Variants in PAWR observed in about 807,000 individuals in gnomAD.
PAWR encodes pro-apoptotic WT1 regulator.
PAWR carries 23 observed loss-of-function variants against 32.0 expected under a neutral mutation model. The observed-to-expected ratio is 0.72, with a 90% CI of 0.52 to 1.02. The LOEUF (loss-of-function observed/expected upper bound fraction) is 1.02. Ranked by LOEUF, PAWR falls within the 50% of genes least tolerant of loss-of-function variation. PAWR has a pLI of 0.00. For missense variants in PAWR, 457 were observed against 437.7 expected (o/e 1.04, Z -0.39); for synonymous variants, 226 against 187.1 (o/e 1.21, Z -1.70).
At position 79,678,072 on chromosome 12, in the gene PAWR, T is replaced by C. The variant is rs190101108; in HGVS notation, c.516+11657A>G. Among the ~76,000 whole-genome samples the C allele has an allele frequency of 7.7e-4, 118 of 152,306 alleles. 1 individual carries two copies. In the East Asian group the frequency reaches 0.021, roughly 27 times the overall value. Reference sequence around the variant, plus strand: ...TTGGTACAACTTTGTTTAGATCCTATCCTCTAGTTTCTTTTTAATGCATAT... The same window carrying C: ...TTGGTACAACTTTGTTTAGATCCTACCCTCTAGTTTCTTTTTAATGCATAT... On this transcript the variant is annotated intron_variant, in intron 2 of 6. Transcript: ENST00000328827.
chr12:79,689,954 C>T lies in PAWR; in HGVS notation c.291G>A (p.Met97Ile). Residue 97 changes from methionine to isoleucine, a missense_variant, in exon 2 of 7, where the codon ATG (methionine) becomes ATA (isoleucine). Met to Ile is a conservative substitution (Grantham distance 10). Transcript: ENST00000328827. The stretch of plus-strand genomic sequence containing the variant: ...GCGGGCCGGGGGCCGCCCGCGTCAG[C>T]ATGGCGGAGCCGACCGCGCAGTTCA... Reference protein sequence around the residue: ...GGVNCAVGSAMLTRAAPGPRR... With the variant: ...GGVNCAVGSAILTRAAPGPRR... 1 of 1,383,608 alleles carries T rather than the reference C, an allele frequency of 7.2e-7. No individual in the cohort carries two copies. The allele number at this position is 1,383,608 out of a possible 1,614,324, so 85.7% of individuals were successfully genotyped here.
intron 4 of PAWR, among the ~76,000 whole-genome samples, chr12:79,612,814 C>T (rs1874501537): frequency 6.6e-6 from 1 of 152,150 alleles, no homozygotes; most frequent in South Asian, 2.1e-4. Flanking sequence ...TAGACACCTC[C>T]ACTGAAAAAC....
chr12:79,638,896 A>AT lies in PAWR; in HGVS notation c.517-17690dup, dbSNP rs60375837. On this transcript the variant is annotated intron_variant, in intron 2 of 6. Transcript: ENST00000328827. Reference sequence around the variant, plus strand: ...TATATATATATATATATATATATATATTTTTTTTTTTTTTTTTTTTTTTTT... The same window carrying AT: ...TATATATATATATATATATATATATATTTTTTTTTTTTTTTTTTTTTTTTTT... 1.7e-3 allele frequency among the ~76,000 whole-genome samples: 17 copies of AT among 10,010 alleles called. 3 individuals carry two copies. Among genetic ancestry groups the AT allele is most frequent in the East Asian group, 0.01 (3 of 288 alleles). 6.6% of individuals were successfully genotyped at this position (10,010 alleles called of 152,430 possible).
intron 2 of PAWR, among the ~76,000 whole-genome samples, chr12:79,657,573 C>T (rs887050955): frequency 1.8e-4 from 28 of 152,268 alleles, no homozygotes; most frequent in African/African-American, 5.8e-4. Flanking sequence ...GGGCGGATCA[C>T]AAGGTCAGAA....
intron 2 of PAWR, among the ~76,000 whole-genome samples, chr12:79,654,796 G>T (rs897534161): frequency 6.6e-6 from 1 of 152,066 alleles, no homozygotes; most frequent in Non-Finnish European, 1.5e-5. Context: ...TCACTATCAC[G>T]AGAACAACAC....
chr12:79,627,258 CCTGA>C (rs2136732977), intron 2 of PAWR, among the ~76,000 whole-genome samples: 3 of 152,264 alleles, frequency 2.0e-5, no homozygotes, highest in African/African-American at 7.2e-5. Flanking sequence ...CCTGTTGTTT[CCTGA>C]CTTTTTAATG....
chr12:79,595,633 G>A lies in PAWR; in HGVS notation c.831+878C>T, dbSNP rs8176905. Reference sequence around the variant, plus strand: ...AAGCCGAGGCGGGTGGATCACCTGAGGTTAGGAATTCAAGACCAGCCTGAC... The same window carrying A: ...AAGCCGAGGCGGGTGGATCACCTGAAGTTAGGAATTCAAGACCAGCCTGAC... On this transcript the variant is annotated intron_variant, in intron 5 of 6. Coordinates refer to ENST00000328827, the MANE Select transcript of PAWR (RefSeq NM_002583.4). Among the ~76,000 whole-genome samples the A allele has an allele frequency of 3.6e-3, 545 of 152,292 alleles. 3 individuals are homozygous for A. Among genetic ancestry groups the A allele is most frequent in the Middle Eastern group, 0.024 (7 of 294 alleles).
At position 79,586,150 on chromosome 12, in the gene PAWR, A is replaced by C. The variant is rs1193116058; in HGVS notation, c.*6457T>G. 6.6e-6 allele frequency: 1 copy of C among 152,238 alleles called. No individual in the cohort carries two copies. The highest frequency in any genetic ancestry group is 1.5e-5 in the Non-Finnish European group (1 of 68,032). 9.4% of individuals were successfully genotyped at this position (152,238 alleles called of 1,614,324 possible). On this transcript the variant is annotated 3_prime_UTR_variant, in exon 7 of 7. Coordinates refer to ENST00000328827, the MANE Select transcript of PAWR (RefSeq NM_002583.4). ...TAAGCCATCCATACACAAAACGTTT[A>C]ATGTGTTATGGAAGGCTAACAGTTT...
At chr12:79,689,215 T>C (rs922924805) in intron 2 of PAWR, among the ~76,000 whole-genome samples, 2 of 152,226 alleles carry the variant, frequency 1.3e-5, no homozygotes, top group African/African-American at 4.8e-5. Context: ...CATTTGGATA[T>C]ACTCATCTTG....
At position 79,632,334 on chromosome 12, in the gene PAWR, TATATATATATATATATA is replaced by T. The variant is rs1566010978; in HGVS notation, c.517-11144_517-11128del. ...ATACATATATATATATATATATATA[TATATATATATATATATA>T]TATATATATATTTTTTTTTTTTTTT... On this transcript the variant is annotated intron_variant, in intron 2 of 6. Coordinates refer to ENST00000328827, the MANE Select transcript of PAWR (RefSeq NM_002583.4). Among the ~76,000 whole-genome samples, 16 of 55,082 alleles carry T rather than the reference TATATATATATATATATA, an allele frequency of 2.9e-4. No individual in the cohort carries two copies. In the African/African-American group the frequency reaches 3.6e-3, roughly 12 times the overall value. The allele number at this position is 55,082 out of a possible 152,430, so 36.1% of individuals were successfully genotyped here. A position where few individuals can be genotyped will look rare whatever the true frequency, so the allele number is the denominator to read the frequency against.
chr12:79,620,043 C>T (rs936767350), intron 3 of PAWR, among the ~76,000 whole-genome samples: 1 of 152,112 alleles, frequency 6.6e-6, no homozygotes, highest in Non-Finnish European at 1.5e-5. Flanking sequence ...CAAAGTAATA[C>T]TGATGTTATT....
chr12:79,617,884 G>T (rs10778681), intron 3 of PAWR, among the ~76,000 whole-genome samples: 7 of 151,694 alleles, frequency 4.6e-5, no homozygotes, highest in African/African-American at 1.7e-4. Context: ...ACCTGCCCCC[G>T]CTCTCTCTCT....
At chr12:79,674,870 A>G (rs966104141) in intron 2 of PAWR, among the ~76,000 whole-genome samples, 1 of 152,198 alleles carries the variant, frequency 6.6e-6, no homozygotes, top group Admixed American at 6.5e-5. Flanking sequence ...ACCATCTCAC[A>G]CCAGTCAGAA....
At chr12:79,624,278 C>T (rs1332351825) in intron 2 of PAWR, among the ~76,000 whole-genome samples, 1 of 152,062 alleles carries the variant, frequency 6.6e-6, no homozygotes, top group African/African-American at 2.4e-5. Flanking sequence ...CTAACTTTCC[C>T]TCCTCCTGCC....
chr12:79,605,184 T>C (rs1404055131), intron 4 of PAWR, among the ~76,000 whole-genome samples: 1 of 152,180 alleles, frequency 6.6e-6, no homozygotes, highest in Non-Finnish European at 1.5e-5. Context: ...TATAACTGTT[T>C]ATAGCAATAT....
chr12:79,660,817 G>C (rs1329189059), intron 2 of PAWR, among the ~76,000 whole-genome samples: 2 of 151,582 alleles, frequency 1.3e-5, no homozygotes, highest in East Asian at 3.9e-4. Flanking sequence ...CTCCTGAACT[G>C]AGCTGATCCA....
At chr12:79,661,043 G>GT (rs1555177191) in intron 2 of PAWR, among the ~76,000 whole-genome samples, 3 of 151,762 alleles carry the variant, frequency 2.0e-5, no homozygotes, top group Non-Finnish European at 4.4e-5. Flanking sequence ...CGAGGTGGGT[G>GT]TATCACTTGA....
rs1482379253 is a variant in PAWR, at chr12:79,589,445, C to G, written c.*3162G>C. 1.3e-5 allele frequency: 2 copies of G among 151,824 alleles called. No individual in the cohort carries two copies. The highest frequency in any genetic ancestry group is 2.9e-5 in the Non-Finnish European group (2 of 67,926). 9.4% of individuals were successfully genotyped at this position (151,824 alleles called of 1,614,324 possible). A position where few individuals can be genotyped will look rare whatever the true frequency, so the allele number is the denominator to read the frequency against. On this transcript the variant is annotated 3_prime_UTR_variant, in exon 7 of 7. Coordinates refer to ENST00000328827, the MANE Select transcript of PAWR (RefSeq NM_002583.4). ...TTTTCACCTTAAGAATACATTGCTT[C>G]TACCACAATTAAAAATTTTTTAAAC...
At position 79,590,988 on chromosome 12, in the gene PAWR, C is replaced by A. The variant is rs1873537437; in HGVS notation, c.*1619G>T. The A allele has an allele frequency of 6.6e-6, 1 of 152,108 alleles. No homozygotes were observed. The highest frequency in any genetic ancestry group is 2.4e-5 in the African/African-American group (1 of 41,410). 9.4% of individuals were successfully genotyped at this position (152,108 alleles called of 1,614,324 possible). On this transcript the variant is annotated 3_prime_UTR_variant, in exon 7 of 7. Transcript: ENST00000328827. ...GCTGATAGATAAAATTATGTCAATT[C>A]CAGGGTGTTCAATGGAATAAAGAAA...
Sources: allele counts gnomAD v4.1 joint callset (sites outside exome capture counted in the v4.1 genomes callset), GRCh38; gene constraint gnomAD v4.1.1; transcripts MANE v1.5; gene names NCBI Gene and HGNC (gene_info 2026-07-23, HGNC 2026-07-21).